SLC37A3: variants seen among roughly 807,000 people sequenced by gnomAD.
SLC37A3 encodes the protein sugar phosphate exchanger 3.
SLC37A3 carries 51 observed loss-of-function variants against 67.1 expected under a neutral mutation model. The observed-to-expected ratio is 0.76, with a 90% CI of 0.61 to 0.96. The LOEUF is 0.96. Ranked by LOEUF, SLC37A3 falls within the 40% of genes least tolerant of loss-of-function variation. The pLI is 0.00. For missense variants in SLC37A3, 508 were observed against 603.0 expected (o/e 0.84, Z 1.65); for synonymous variants, 214 against 231.4 (o/e 0.92, Z 0.68).
intron 1 of SLC37A3, among the ~76,000 whole-genome samples, chr7:140,395,525 T>C (rs1191576480): frequency 1.3e-5 from 2 of 150,786 alleles, no homozygotes; most frequent in Non-Finnish European, 2.9e-5. Context: ...CTGGCGAATA[T>C]GGCGAAACCC....
At chr7:140,394,765 C>A (rs1042242880) in intron 1 of SLC37A3, among the ~76,000 whole-genome samples, 1 of 151,418 alleles carries the variant, frequency 6.6e-6, no homozygotes, top group Admixed American at 6.6e-5. Context: ...TGCACCACCA[C>A]GTCCAGCTAA....
At chr7:140,379,705 C>A (rs1798172093) in intron 3 of SLC37A3, among the ~76,000 whole-genome samples, 1 of 148,004 alleles carries the variant, frequency 6.8e-6, no homozygotes, top group Non-Finnish European at 1.5e-5. Context: ...CCAGCCTGGG[C>A]AACGTGGTGA....
chr7:140,339,939 C>T (rs750154078), intron 13 of SLC37A3, among the ~76,000 whole-genome samples: 5 of 152,010 alleles, frequency 3.3e-5, no homozygotes, highest in Middle Eastern at 3.4e-3. Context: ...GGGGTTTCAC[C>T]GTGTTAGCCA....
At chr7:140,345,069 G>A (rs1796500062) in intron 12 of SLC37A3, 147 bp downstream of exon 12, 1 of 659,140 alleles carries the variant, frequency 1.5e-6, no homozygotes, top group Non-Finnish European at 2.6e-6. Flanking sequence ...AAAAGAATCT[G>A]GAAAAGGAGG....
chr7:140,363,135 C>T (rs1210896480), intron 5 of SLC37A3, among the ~76,000 whole-genome samples: 3 of 87,172 alleles, frequency 3.4e-5, no homozygotes, highest in Non-Finnish European at 5.1e-5. Flanking sequence ...TCTGCCCGGC[C>T]GCCCCTACTG....
chr7:140,357,871 C>A (rs184524365), intron 6 of SLC37A3, among the ~76,000 whole-genome samples: 1 of 150,128 alleles, frequency 6.7e-6, no homozygotes, highest in Non-Finnish European at 1.5e-5. Context: ...GAGCCGAGAT[C>A]GCGCCATTGC....
intron 1 of SLC37A3, among the ~76,000 whole-genome samples, chr7:140,394,549 G>A (rs1441428110): frequency 6.7e-6 from 1 of 150,250 alleles, no homozygotes; most frequent in East Asian, 2.1e-4. Flanking sequence ...TTGAGCCTGG[G>A]AGGCTGAGGC....
chr7:140,374,983 T>C (rs1797968503), intron 3 of SLC37A3, among the ~76,000 whole-genome samples: 1 of 151,630 alleles, frequency 6.6e-6, no homozygotes, highest in East Asian at 1.9e-4. Context: ...CCATCTCTAC[T>C]AAAAATACAA....
chr7:140,373,851 A>G (rs1797918225), intron 3 of SLC37A3, among the ~76,000 whole-genome samples: 1 of 152,124 alleles, frequency 6.6e-6, no homozygotes. Flanking sequence ...TTCAAAGGAG[A>G]CATGAAAACC....
At chr7:140,358,959 G>A (rs1188468444) in intron 5 of SLC37A3, among the ~76,000 whole-genome samples, 174 bp from the exon 6 acceptor site, 1 of 152,170 alleles carries the variant, frequency 6.6e-6, no homozygotes. Context: ...CCACAGTGAG[G>A]AGGCAGCCAC....
At chr7:140,397,366 G>C (rs993249537) in intron 1 of SLC37A3, among the ~76,000 whole-genome samples, 5 of 151,792 alleles carry the variant, frequency 3.3e-5, no homozygotes, top group Middle Eastern at 3.4e-3. Flanking sequence ...GCTAATCTTT[G>C]TATTTTTAGT....
intron 1 of SLC37A3, among the ~76,000 whole-genome samples, chr7:140,383,224 G>T (rs948729747): frequency 3.3e-5 from 5 of 151,718 alleles, no homozygotes; most frequent in African/African-American, 1.2e-4. Flanking sequence ...AATTTCCAGG[G>T]ATCTATTCCT....
intron 13 of SLC37A3, among the ~76,000 whole-genome samples, chr7:140,342,996 G>A (rs1796416942): frequency 6.6e-6 from 1 of 152,130 alleles, no homozygotes; most frequent in South Asian, 2.1e-4. Context: ...AGGAAGGAAC[G>A]TGTATGCAGT....
At position 140,355,663 on chromosome 7, in the gene SLC37A3, C is replaced by G; in HGVS notation, c.618+5G>C. 1.2e-6 allele frequency: 2 copies of G among 1,611,832 alleles called. No homozygotes were observed. The highest frequency in any genetic ancestry group is 1.7e-6 in the Non-Finnish European group (2 of 1,178,198). ...AGAGCACCAGAGCTAGAAAACAATA[C>G]CTACCTCATAACCATACTGAAGAAC... On this transcript the variant is annotated splice_donor_5th_base_variant and intron_variant, in intron 7 of 14. Coordinates refer to ENST00000326232, the MANE Select transcript of SLC37A3 (RefSeq NM_207113.3).
At chr7:140,340,959 A>G (rs1464586838) in intron 13 of SLC37A3, among the ~76,000 whole-genome samples, 3 of 149,470 alleles carry the variant, frequency 2.0e-5, no homozygotes, top group African/African-American at 2.5e-5. Context: ...AGAGAGAGCC[A>G]GGGTCTGGCT....
rs1158338344 is a variant in SLC37A3, at chr7:140,337,277, C to T, written c.1392+7G>A. The T allele has an allele frequency of 8.2e-6, 13 of 1,586,170 alleles. No homozygotes were observed. The highest frequency in any genetic ancestry group is 1.4e-5 in the African/African-American group (1 of 72,788). ...ACTTTTTTTTTTTTAAAGGGGCACA[C>T]ACTTACCATGAGAATGAAAAAGTAG... On this transcript the variant is annotated splice_region_variant and intron_variant, in intron 14 of 14. Transcript: ENST00000326232.
At chr7:140,393,915 A>T (rs928685748) in intron 1 of SLC37A3, among the ~76,000 whole-genome samples, 16 of 152,164 alleles carry the variant, frequency 1.1e-4, no homozygotes, top group African/African-American at 3.6e-4. Context: ...TCACACTTGT[A>T]ATCTCAACAG....
intron 6 of SLC37A3, among the ~76,000 whole-genome samples, chr7:140,357,581 GA>G (rs1485268653): frequency 1.4e-5 from 2 of 145,110 alleles, no homozygotes; most frequent in Non-Finnish European, 3.0e-5. Flanking sequence ...AAAAAAAAAA[GA>G]TGACTCAAAA....
At chr7:140,348,045 T>C (rs1020971462) in intron 10 of SLC37A3, among the ~76,000 whole-genome samples, 2 of 152,014 alleles carry the variant, frequency 1.3e-5, no homozygotes, top group African/African-American at 4.8e-5. Context: ...AACGACAAAA[T>C]AGAAAATAAT....
Sources: gnomAD v4.1 joint callset for allele counts (sites outside exome capture counted in the v4.1 genomes callset) on GRCh38, gnomAD v4.1.1 for gene constraint, MANE v1.5 for transcripts, NCBI Gene and HGNC (gene_info 2026-07-23, HGNC 2026-07-21) for gene names.